The following WWP2 variants were observed in gnomAD, a reference collection of about 807,000 sequenced individuals.
WWP2 encodes the protein WW domain containing E3 ubiquitin protein ligase 2.
WWP2 carries 57 observed loss-of-function variants against 121.0 expected under a neutral mutation model. That is an observed-to-expected ratio of 0.47 (90% CI 0.38 to 0.59). The LOEUF is 0.59. WWP2 is among the 20% of genes least tolerant of loss of function. The pLI is 0.00. For missense variants in WWP2, 962 were observed against 1,158.9 expected, an observed-to-expected ratio of 0.83 and a Z score of 2.47; for synonymous variants, 449 against 441.3, an observed-to-expected ratio of 1.02 and a Z score of -0.22.
At chr16:69,848,926 GT>G (rs2057144227) in intron 6 of WWP2, among the ~76,000 whole-genome samples, 1 of 152,116 alleles carries the variant, frequency 6.6e-6, no homozygotes, top group South Asian at 2.1e-4. Context: ...CTCTTAGATA[GT>G]TTTCTTTCTC....
intron 4 of WWP2, 86 bp from the exon 5 acceptor site, chr16:69,840,040 G>A (rs1276178946): frequency 4.5e-6 from 7 of 1,568,066 alleles, no homozygotes; most frequent in Admixed American, 1.7e-5. Context: ...AGCCAGCAAA[G>A]GTGAAATGAA....
chr16:69,880,108 A>G (rs2057800350), intron 7 of WWP2, among the ~76,000 whole-genome samples: 1 of 150,942 alleles, frequency 6.6e-6, no homozygotes, highest in Admixed American at 6.6e-5. Flanking sequence ...TAGAATTTAT[A>G]GTGTTATATG....
chr16:69,937,081 G>A lies in WWP2; in HGVS notation c.2118-37G>A, dbSNP rs750267889. 8 of 1,610,138 alleles carry A rather than the reference G, an allele frequency of 5.0e-6. No individual in the cohort carries two copies. The South Asian group carries it at 8.8e-5, about 18-fold the overall frequency. ...GCCGGGAGCCACCCCTGAGCAGTGG[G>A]TCTCAGACTCCACCCATGGCTGCTC... On this transcript the variant is annotated intron_variant, in intron 19 of 23. Transcript: ENST00000359154. The surrounding 1 kb of genome is among the most constrained non-coding windows in gnomAD (Gnocchi z 6.6).
chr16:69,898,760 A>G (rs560927020), intron 8 of WWP2, among the ~76,000 whole-genome samples: 3 of 151,804 alleles, frequency 2.0e-5, no homozygotes, highest in Admixed American at 6.6e-5. Flanking sequence ...CTGGAGTGCA[A>G]TGGCGCAATC....
intron 6 of WWP2, among the ~76,000 whole-genome samples, chr16:69,858,529 C>T (rs1050698893): frequency 1.3e-5 from 2 of 151,980 alleles, no homozygotes; most frequent in Non-Finnish European, 2.9e-5. Flanking sequence ...TTATCACAGC[C>T]GCCTTGTGCT....
At chr16:69,858,280 A>T (rs913949947) in intron 6 of WWP2, among the ~76,000 whole-genome samples, 1 of 151,886 alleles carries the variant, frequency 6.6e-6, no homozygotes, top group South Asian at 2.1e-4. Context: ...CTTTCACTCA[A>T]ACACCAGGCC....
chr16:69,908,735 A>T (rs1380145343), intron 8 of WWP2, 26 bp from the exon 9 acceptor site: 18 of 1,613,758 alleles, frequency 1.1e-5, no homozygotes, highest in Admixed American at 1.7e-5. Context: ...TGTGTGTCTC[A>T]TGCTACCCTT....
intron 1 of WWP2, among the ~76,000 whole-genome samples, chr16:69,776,621 G>C (rs770394965): frequency 6.6e-6 from 1 of 152,082 alleles, no homozygotes; most frequent in Non-Finnish European, 1.5e-5. Flanking sequence ...CCTGAGGTCA[G>C]GTGTTCGAGA....
chr16:69,803,635 C>T lies in WWP2; in HGVS notation c.340+4340C>T, dbSNP rs192693525. Among the ~76,000 whole-genome samples, 630 of 152,204 alleles carry T rather than the reference C, an allele frequency of 4.1e-3. 5 individuals carry two copies. The highest frequency in any genetic ancestry group is 6.8e-3 in the Middle Eastern group (2 of 294). On this transcript the variant is annotated intron_variant, in intron 4 of 23. Transcript: ENST00000359154. ...GTTAAGAAAGTAAAGGAAGGCAGGG[C>T]GCAGTGACTTACACATGTAATCCCA...
Position 69,827,319 on chromosome 16 carries a change from T to TA in WWP2, c.341-12805dup, listed in dbSNP as rs2056719297. 3.3e-5 allele frequency among the ~76,000 whole-genome samples: 5 copies of TA among 151,626 alleles called. No homozygotes were observed. The South Asian group carries it at 1.0e-3, about 32-fold the overall frequency. On this transcript the variant is annotated intron_variant, in intron 4 of 23. Transcript: ENST00000359154. The stretch of plus-strand genomic sequence containing the variant: ...GATTTTAGTAATAGGGTGCATTCTA[T>TA]AATGTCAGAGGTTGCAGTGAGCCAA...
intron 6 of WWP2, among the ~76,000 whole-genome samples, chr16:69,851,788 G>A (rs2057219049): frequency 6.6e-6 from 1 of 151,918 alleles, no homozygotes; most frequent in Non-Finnish European, 1.5e-5. Flanking sequence ...AGACCATCCT[G>A]GCCAACATAG....
intron 7 of WWP2, among the ~76,000 whole-genome samples, chr16:69,882,350 T>C (rs116733038): frequency 6.6e-6 from 1 of 152,260 alleles, no homozygotes. Context: ...TAATTTTTTT[T>C]ATTTCTTTTC....
chr16:69,939,425 G>C lies in WWP2; in HGVS notation c.2513+12G>C. ...AGAAGCCACACCTGGTGAGCCTGCT[G>C]GTTTTAGTGGGAGGTCGGGGGGCCT... is the stretch of plus-strand genomic sequence containing the variant. On this transcript the variant is annotated intron_variant, in intron 23 of 23. Transcript: ENST00000359154. 6.2e-7 allele frequency: 1 copy of C among 1,614,104 alleles called. No homozygotes were observed. The highest frequency in any genetic ancestry group is 8.5e-7 in the Non-Finnish European group (1 of 1,180,010).
In WWP2 at chr16:69,836,736, T is replaced by C. The variant is rs1038049677; in HGVS notation, c.341-3390T>C. Among the ~76,000 whole-genome samples, 3 of 152,062 alleles carry C rather than the reference T, an allele frequency of 2.0e-5. No individual in the cohort carries two copies. The East Asian group carries it at 5.8e-4, about 29-fold the overall frequency. On this transcript the variant is annotated intron_variant, in intron 4 of 23. Coordinates refer to ENST00000359154, the MANE Select transcript of WWP2 (RefSeq NM_001270454.2). ...CTCAAGTAATCCTCCCACTTCAGCCTCCCAGGTAGTGGGGACCACAGGTGC... is the reference window on the plus strand; with the variant it reads ...CTCAAGTAATCCTCCCACTTCAGCCCCCCAGGTAGTGGGGACCACAGGTGC...
intron 6 of WWP2, among the ~76,000 whole-genome samples, chr16:69,869,019 G>A (rs548891416): frequency 4.6e-5 from 7 of 152,240 alleles, no homozygotes; most frequent in East Asian, 3.9e-4. Context: ...CTCTGAAGTA[G>A]CTGGGATTAT....
At chr16:69,936,069 T>C (rs2058793067) in intron 18 of WWP2, 83 bp downstream of exon 18, 3 of 1,559,314 alleles carry the variant, frequency 1.9e-6, no homozygotes, top group Non-Finnish European at 2.6e-6. Flanking sequence ...GCCTTTATTT[T>C]GTCTGCCAGT....
chr16:69,878,842 C>G (rs1229284718), intron 7 of WWP2, among the ~76,000 whole-genome samples: 3 of 152,116 alleles, frequency 2.0e-5, no homozygotes, highest in Non-Finnish European at 4.4e-5. Context: ...GAGTGAAATT[C>G]TTAAGACAAA....
intron 8 of WWP2, among the ~76,000 whole-genome samples, chr16:69,890,231 C>T (rs925646689): frequency 3.2e-4 from 48 of 151,512 alleles, no homozygotes; most frequent in African/African-American, 1.1e-3. Context: ...TCGGAAGGCA[C>T]ATGTGACCTT....
rs1319053598 is a variant in WWP2 at position 69,925,038 on chromosome 16, C to T, written c.1180-392C>T. On this transcript the variant is annotated intron_variant, in intron 10 of 23. Transcript: ENST00000359154. This position sits in a 1 kb window ranked among gnomAD's most constrained non-coding sequence, Gnocchi z 4.0. ...AGAAAGTTGGAGGTGGTGGTGATTTCAGTCGCCTTGGCCGCCTTGAGCCGG... is the reference window on the plus strand; with the variant it reads ...AGAAAGTTGGAGGTGGTGGTGATTTTAGTCGCCTTGGCCGCCTTGAGCCGG... 4.2e-5 allele frequency: 42 copies of T among 1,003,392 alleles called. No individual in the cohort carries two copies. Among genetic ancestry groups the T allele is most frequent in the Non-Finnish European group, 4.2e-5 (35 of 842,246 alleles). 62.2% of individuals were successfully genotyped at this position (1,003,392 alleles called of 1,614,324 possible). A position where few individuals can be genotyped will look rare whatever the true frequency, so the allele number is the denominator to read the frequency against.
Sources: allele counts gnomAD v4.1 joint callset (sites outside exome capture counted in the v4.1 genomes callset), GRCh38; gene constraint gnomAD v4.1.1; non-coding constraint Gnocchi (gnomAD v3.1); transcripts MANE v1.5; gene names NCBI Gene and HGNC (gene_info 2026-07-23, HGNC 2026-07-21).